Variants in RAD51B observed in about 807,000 individuals in gnomAD.
RAD51B encodes the protein RAD51 paralog B.
Under a neutral mutation model 42.2 loss-of-function variants are expected in RAD51B, and 38 were observed. That is an observed-to-expected ratio of 0.90 (90% CI 0.70 to 1.18). The LOEUF is 1.18. Ranked by LOEUF, RAD51B falls within the 50% of genes most tolerant of loss-of-function variation. The pLI, the probability that RAD51B is intolerant of heterozygous loss-of-function variation, is 0.00. For synonymous variants in RAD51B, 154 were observed against 145.2 expected, an observed-to-expected ratio of 1.06 and a Z score of -0.43; for missense variants, 373 against 400.7, an observed-to-expected ratio of 0.93 and a Z score of 0.59.
intron 9 of RAD51B, among the ~76,000 whole-genome samples, chr14:68,460,460 A>C (rs1050003944): frequency 6.6e-6 from 1 of 152,174 alleles, no homozygotes; most frequent in Non-Finnish European, 1.5e-5. Context: ...TCTCAAAAAA[A>C]CAAACAAACA....
intron 10 of RAD51B, among the ~76,000 whole-genome samples, chr14:68,537,092 C>CA (rs5809385): frequency 0.14 from 15,165 of 104,692 alleles, 1,657 homozygotes; most frequent in African/African-American, 0.28. Flanking sequence ...GGTCCTGTCT[C>CA]AAAAAAAAAA....
chr14:68,156,457 C>CTG (rs2078509934), intron 7 of RAD51B, among the ~76,000 whole-genome samples: 1 of 115,900 alleles, frequency 8.6e-6, no homozygotes, highest in African/African-American at 3.7e-5. Flanking sequence ...TAGAAAATTT[C>CTG]TCTCTCTCTC....
intron 7 of RAD51B, among the ~76,000 whole-genome samples, chr14:67,998,601 A>G (rs1353286898): frequency 6.6e-6 from 1 of 152,192 alleles, no homozygotes; most frequent in African/African-American, 2.4e-5. Flanking sequence ...TTACATGGCA[A>G]AGTTATCTCA....
intron 7 of RAD51B, among the ~76,000 whole-genome samples, chr14:68,188,665 A>G (rs553377296): frequency 3.9e-5 from 6 of 152,322 alleles, no homozygotes; most frequent in African/African-American, 7.2e-5. Flanking sequence ...TGGAATTTAG[A>G]GGTGATGCTC....
At chr14:68,471,697 A>AG (rs1318984765) in intron 10 of RAD51B, among the ~76,000 whole-genome samples, 1 of 151,082 alleles carries the variant, frequency 6.6e-6, no homozygotes. Flanking sequence ...CTTTTGCAAA[A>AG]AAAAAAAAAA....
At chr14:68,668,698 G>A (rs1053867999) in intron 11 of RAD51B, among the ~76,000 whole-genome samples, 1 of 152,248 alleles carries the variant, frequency 6.6e-6, no homozygotes, top group Non-Finnish European at 1.5e-5. Flanking sequence ...TGCCGCCCGA[G>A]TCATCTCACA....
intron 7 of RAD51B, among the ~76,000 whole-genome samples, chr14:68,146,031 A>G (rs1420022134): frequency 8.8e-6 from 1 of 113,634 alleles, no homozygotes; most frequent in Non-Finnish European, 1.8e-5. Flanking sequence ...GTTATGTTCA[A>G]TATAAAGGGG....
At chr14:68,591,974 A>G (rs1160672961) in intron 10 of RAD51B, among the ~76,000 whole-genome samples, 1 of 152,110 alleles carries the variant, frequency 6.6e-6, no homozygotes, top group Non-Finnish European at 1.5e-5. Flanking sequence ...AGCTGGGCAC[A>G]CACTCAGGAG....
intron 7 of RAD51B, among the ~76,000 whole-genome samples, chr14:68,180,550 C>G (rs2079043505): frequency 2.0e-5 from 3 of 152,126 alleles, no homozygotes; most frequent in Admixed American, 2.0e-4. Flanking sequence ...TTAATACTTA[C>G]AACTTTATGA....
intron 8 of RAD51B, among the ~76,000 whole-genome samples, chr14:68,404,981 T>C (rs1291515583): frequency 6.6e-6 from 1 of 152,182 alleles, no homozygotes; most frequent in East Asian, 1.9e-4. Flanking sequence ...ATGAGAGACA[T>C]GATAAGCCCA....
chr14:68,194,078 T>C (rs1436878858), intron 7 of RAD51B, among the ~76,000 whole-genome samples: 1 of 152,210 alleles, frequency 6.6e-6, no homozygotes, highest in Non-Finnish European at 1.5e-5. Flanking sequence ...TGAGTTACAC[T>C]TTTTTCCTTT....
At chr14:68,354,361 C>T (rs998084482) in intron 8 of RAD51B, among the ~76,000 whole-genome samples, 5 of 151,940 alleles carry the variant, frequency 3.3e-5, no homozygotes, top group African/African-American at 1.2e-4. Flanking sequence ...GGACTACAGG[C>T]ACACACCACC....
At chr14:68,544,191 C>G (rs1487257190) in intron 10 of RAD51B, among the ~76,000 whole-genome samples, 1 of 152,228 alleles carries the variant, frequency 6.6e-6, no homozygotes, top group African/African-American at 2.4e-5. Flanking sequence ...ATCCCCACTA[C>G]TCTTGTAAAC....
chr14:68,251,855 A>G (rs1006535920), intron 7 of RAD51B, among the ~76,000 whole-genome samples: 3 of 152,222 alleles, frequency 2.0e-5, no homozygotes, highest in Admixed American at 6.5e-5. Context: ...TTGTAATGTT[A>G]CAGGAAAAAA....
intron 10 of RAD51B, among the ~76,000 whole-genome samples, chr14:68,493,871 T>A (rs1239927443): frequency 6.6e-6 from 1 of 152,252 alleles, no homozygotes; most frequent in African/African-American, 2.4e-5. Flanking sequence ...TTATTTCATC[T>A]AGAACCAACA....
chr14:67,854,140 A>G (rs1219940401), intron 4 of RAD51B, among the ~76,000 whole-genome samples: 1 of 152,134 alleles, frequency 6.6e-6, no homozygotes, highest in Admixed American at 6.5e-5. Context: ...TTTTTTCTTA[A>G]CCACACCCTC....
intron 8 of RAD51B, among the ~76,000 whole-genome samples, chr14:68,367,561 G>C (rs1432534815): frequency 6.6e-6 from 1 of 152,226 alleles, no homozygotes; most frequent in African/African-American, 2.4e-5. Context: ...GGAACATGTG[G>C]GAAGGGAGCC....
rs1331280621 is a variant in RAD51B at position 68,572,559 on chromosome 14, C to T, written c.1037-21926C>T. Among the ~76,000 whole-genome samples the T allele has an allele frequency of 2.6e-5, 4 of 152,186 alleles. No individual in the cohort carries two copies. In the South Asian group the frequency reaches 6.2e-4, roughly 24 times the overall value. ...GCCCAACTCCTTCCTTCTCTGTTTCCTTGCCTGGGGCTTCTGATTCCAGTA... is the reference window on the plus strand; with the variant it reads ...GCCCAACTCCTTCCTTCTCTGTTTCTTTGCCTGGGGCTTCTGATTCCAGTA... On this transcript the variant is annotated intron_variant, in intron 10 of 10. Coordinates refer to the RAD51B transcript ENST00000487270.
intron 7 of RAD51B, among the ~76,000 whole-genome samples, chr14:68,267,672 T>C (rs2139572152): frequency 6.6e-6 from 1 of 152,282 alleles, no homozygotes; most frequent in South Asian, 2.1e-4. Flanking sequence ...ATTTTAAAAA[T>C]ATTTTGCTTA....
Sources: gnomAD v4.1 joint callset for allele counts (sites outside exome capture counted in the v4.1 genomes callset) on GRCh38, gnomAD v4.1.1 for gene constraint, MANE v1.5 for transcripts, NCBI Gene and HGNC (gene_info 2026-07-23, HGNC 2026-07-21) for gene names.